The following PRRX1 variants were observed in gnomAD, a reference collection of about 807,000 sequenced individuals.
PRRX1 encodes paired mesoderm homeobox protein 1.
PRRX1 carries 8 observed loss-of-function variants against 24.0 expected under a neutral mutation model. The ratio of observed to expected loss-of-function variants is 0.33; its 90% CI spans 0.20 to 0.60. PRRX1 has a LOEUF of 0.60. Ranked by LOEUF, PRRX1 falls within the 20% of genes least tolerant of loss-of-function variation. The probability of loss-of-function intolerance (pLI) is 0.82; values close to 1 mark genes in which losing one functional copy is unlikely to be tolerated. For missense variants in PRRX1, 281 were observed against 322.4 expected (o/e 0.87, Z 0.98); for synonymous variants, 160 against 131.7 (o/e 1.22, Z -1.47).
chr1:170,688,507 T>C (rs556858850), intron 1 of PRRX1, among the ~76,000 whole-genome samples: 1 of 152,256 alleles, frequency 6.6e-6, no homozygotes, highest in South Asian at 2.1e-4. Context: ...TGTTCAGGGT[T>C]ATACAGATTT....
rs535379533 is a variant in PRRX1 at position 170,732,008 on chromosome 1, C to T, written c.600-4040C>T. Among the ~76,000 whole-genome samples the T allele has an allele frequency of 3.3e-5, 5 of 152,246 alleles. No homozygotes were observed. In the South Asian group the frequency reaches 1.0e-3, roughly 32 times the overall value. On this transcript the variant is annotated intron_variant, in intron 3 of 3. Transcript: ENST00000239461. ...TCAGTCCCAGAACTTATGTCTGTACCCCACTTCCAAGAATAAGTGGGTTTT... is the reference window on the plus strand; with the variant it reads ...TCAGTCCCAGAACTTATGTCTGTACTCCACTTCCAAGAATAAGTGGGTTTT...
At chr1:170,666,394 G>A (rs1399064571) in intron 1 of PRRX1, among the ~76,000 whole-genome samples, 1 of 126,212 alleles carries the variant, frequency 7.9e-6, no homozygotes, top group East Asian at 2.5e-4. Flanking sequence ...CTCCAGTCTG[G>A]ATGACAGAGT....
chr1:170,670,009 A>G (rs1653095743), intron 1 of PRRX1, among the ~76,000 whole-genome samples: 1 of 152,144 alleles, frequency 6.6e-6, no homozygotes, highest in African/African-American at 2.4e-5. Flanking sequence ...CGCATTCTCT[A>G]TCTAAGCCTT....
At chr1:170,727,166 C>A (rs1314182082) in intron 3 of PRRX1, 4 of 151,716 alleles carry the variant, frequency 2.6e-5, no homozygotes, top group South Asian at 2.1e-4. Flanking sequence ...TTACACTAAA[C>A]TTTTATATTA....
chr1:170,690,294 T>C (rs1653895544), intron 1 of PRRX1, among the ~76,000 whole-genome samples: 2 of 152,094 alleles, frequency 1.3e-5, no homozygotes, highest in Admixed American at 1.3e-4. Context: ...GCTTCTGCGA[T>C]GGAGTCAGGA....
chr1:170,704,952 C>G (rs1040014864), intron 1 of PRRX1, among the ~76,000 whole-genome samples: 1 of 152,088 alleles, frequency 6.6e-6, no homozygotes, highest in African/African-American at 2.4e-5. Context: ...CTAGAGGGAC[C>G]CATAAAACTT....
At chr1:170,704,707 T>C (rs1266829901) in intron 1 of PRRX1, among the ~76,000 whole-genome samples, 1 of 152,180 alleles carries the variant, frequency 6.6e-6, no homozygotes, top group African/African-American at 2.4e-5. Flanking sequence ...ACAAATAAAA[T>C]GGTAAATAGA....
At position 170,736,455 on chromosome 1, in the gene PRRX1, A is replaced by AGCT. The variant is rs1345269549; in HGVS notation, c.*269_*270insGCT. 96 of 484,136 alleles carry AGCT rather than the reference A, an allele frequency of 2.0e-4. No homozygotes were observed. The highest frequency in any genetic ancestry group is 1.8e-3 in the African/African-American group (93 of 51,626). 30.0% of individuals were successfully genotyped at this position (484,136 alleles called of 1,614,324 possible). ...TTTTTCTTTCATTCATGCTTTGCTT[A>AGCT]ATGTACTCCAGGCTTCTTCAGCTAG... is the stretch of plus-strand genomic sequence containing the variant. On this transcript the variant is annotated 3_prime_UTR_variant, in exon 4 of 4. Transcript: ENST00000239461.
intron 1 of PRRX1, among the ~76,000 whole-genome samples, chr1:170,704,127 A>G (rs889387308): frequency 6.6e-6 from 1 of 152,244 alleles, no homozygotes; most frequent in Non-Finnish European, 1.5e-5. Context: ...GTTTTGTTAA[A>G]ATTTATTAAA....
rs562334623 is a variant in PRRX1 at position 170,727,955 on chromosome 1, A to G, written c.599+1554A>G. ...AAAGGCTGCTTTATTTCTCTTATAA[A>G]CATTGGTATAAGAGAAATTTGGTGT... On this transcript the variant is annotated intron_variant, in intron 3 of 3. Transcript: ENST00000239461. 9.2e-5 allele frequency: 14 copies of G among 152,330 alleles called. No individual in the cohort carries two copies. In the South Asian group the frequency reaches 2.1e-3, roughly 23 times the overall value. The allele number at this position is 152,330 out of a possible 1,614,324, so 9.4% of individuals were successfully genotyped here.
rs151077542 is a variant in PRRX1 at position 170,680,541 on chromosome 1, G to T, written c.241+16082G>T. On this transcript the variant is annotated intron_variant, in intron 1 of 3. Coordinates refer to ENST00000239461, the MANE Select transcript of PRRX1 (RefSeq NM_022716.4). The stretch of plus-strand genomic sequence containing the variant: ...ATTACAACTTCATAATTCACAGTTA[G>T]CTCTTGTTTATTTTATATTTAATCA... Among the ~76,000 whole-genome samples, 1,325 of 152,296 alleles carry T rather than the reference G, an allele frequency of 8.7e-3. 10 individuals are homozygous for T. Among genetic ancestry groups the T allele is most frequent in the Non-Finnish European group, 0.012 (842 of 68,016 alleles).
intron 1 of PRRX1, chr1:170,667,695 G>A (rs1359330497): frequency 6.6e-6 from 1 of 152,088 alleles, no homozygotes; most frequent in Non-Finnish European, 1.5e-5. Flanking sequence ...CAGGAGTCTG[G>A]CGCTCTTTGT....
chr1:170,718,171 C>T (rs1053211112), intron 1 of PRRX1, among the ~76,000 whole-genome samples: 4 of 152,192 alleles, frequency 2.6e-5, no homozygotes, highest in African/African-American at 4.8e-5. Context: ...AGGAGTTTCA[C>T]GTTTTCCCTG....
At chr1:170,674,759 A>C (rs190664483) in intron 1 of PRRX1, among the ~76,000 whole-genome samples, 2 of 151,818 alleles carry the variant, frequency 1.3e-5, no homozygotes, top group African/African-American at 4.8e-5. Flanking sequence ...GCTGCAAGTA[A>C]TTTTGTAAAT....
At chr1:170,726,614 C>T in intron 3 of PRRX1, 1 of 566,340 alleles carries the variant, frequency 1.8e-6, no homozygotes, top group Non-Finnish European at 3.1e-6. Flanking sequence ...CAGGCTATCT[C>T]ACCAATCTCC....
At chr1:170,706,060 T>C (rs772428124) in intron 1 of PRRX1, among the ~76,000 whole-genome samples, 1 of 152,188 alleles carries the variant, frequency 6.6e-6, no homozygotes, top group Non-Finnish European at 1.5e-5. Context: ...ACAGTTTTCT[T>C]TGGTCTCTTG....
chr1:170,710,333 G>A (rs59384810), intron 1 of PRRX1, among the ~76,000 whole-genome samples: 4,646 of 152,242 alleles, frequency 0.031, 238 homozygotes, highest in African/African-American at 0.11. Context: ...TGCTGAATTT[G>A]AAACAGATCT....
chr1:170,688,017 A>C (rs1653805324), intron 1 of PRRX1, among the ~76,000 whole-genome samples: 1 of 152,228 alleles, frequency 6.6e-6, no homozygotes, highest in Non-Finnish European at 1.5e-5. Context: ...ATTTTGATTG[A>C]GAAGCAATGT....
intron 1 of PRRX1, among the ~76,000 whole-genome samples, chr1:170,677,765 CCT>C (rs1653371979): frequency 6.6e-6 from 1 of 152,164 alleles, no homozygotes; most frequent in Admixed American, 6.6e-5. Context: ...GGTCACCCTT[CCT>C]CTCTCAGCGT....
Sources: gnomAD v4.1 joint callset for allele counts (sites outside exome capture counted in the v4.1 genomes callset) on GRCh38, gnomAD v4.1.1 for gene constraint, MANE v1.5 for transcripts, NCBI Gene and HGNC (gene_info 2026-07-23, HGNC 2026-07-21) for gene names.